Variants in COPA observed in about 807,000 individuals in gnomAD.
The protein encoded by COPA is coat protein complex I subunit alpha.
A neutral mutation model predicts 158.7 loss-of-function variants in COPA; 10 were observed. The observed-to-expected ratio is 0.06, with a 90% CI of 0.04 to 0.11. The LOEUF (loss-of-function observed/expected upper bound fraction) is 0.11. Ranked by LOEUF, COPA falls within the 10% of genes least tolerant of loss-of-function variation. The probability of loss-of-function intolerance (pLI) is 1.00; values close to 1 mark genes in which losing one functional copy is unlikely to be tolerated. For synonymous variants in COPA, 462 were observed against 542.8 expected (o/e 0.85, Z 2.07); for missense variants, 1,065 against 1,536.7 (o/e 0.69, Z 5.13).
At position 160,297,740 on chromosome 1, in the gene COPA, A is replaced by G; in HGVS notation, c.1983T>C (p.Ala661=). 6.2e-7 allele frequency: 1 copy of G among 1,613,444 alleles called. No homozygotes were observed. ...LALECGNIEI[A]LEAAKALDDK... is the part of the protein sequence containing the mutation. ...CATCCAGTGCTTTGGCTGCTTCCAG[A>G]GCAATCTAAAGAATCCCCAGGGTCG... The change falls in exon 20 of 33, where the codon GCT becomes GCC. Residue 661 remains alanine, a synonymous_variant. Transcript: ENST00000241704.
chr1:160,314,948 GGGAAAGAA>G (rs1659087131), intron 8 of COPA, among the ~76,000 whole-genome samples: 1 of 152,112 alleles, frequency 6.6e-6, no homozygotes. Context: ...CAGGAAAAAA[GGGAAAGAA>G]GGAATACTTT....
Position 160,298,945 on chromosome 1 carries a change from A to G in COPA, c.1877T>C (p.Ile626Thr). The G allele has an allele frequency of 6.2e-7, 1 of 1,614,180 alleles. No individual in the cohort carries two copies. The highest frequency in any genetic ancestry group is 8.5e-7 in the Non-Finnish European group (1 of 1,180,038). Residue 626 changes from isoleucine to threonine, a missense_variant, in exon 19 of 33, where the codon ATT becomes ACT. Ile to Thr is a moderately conservative substitution (Grantham distance 89). Coordinates refer to ENST00000241704, the MANE Select transcript of COPA (RefSeq NM_004371.4). ...RNAKLVGQSI[I>T]AYLQKKGYPE... ...ATAGCCCTTCTTCTGGAGATAAGCA[A>G]TAATAGACTGGCCAACTAGTTTGGC...
In COPA at chr1:160,296,183, A is replaced by G. The variant is rs74125575; in HGVS notation, c.2264-34T>C. ...AAAACAGACTTTGTGGTATAGGTAC[A>G]TTTCCAAATGCATGCTGCTGTGGTA... On this transcript the variant is annotated intron_variant, in intron 21 of 32. Coordinates refer to ENST00000241704, the MANE Select transcript of COPA (RefSeq NM_004371.4). The G allele has an allele frequency of 6.8e-5, 108 of 1,581,754 alleles. No homozygotes were observed. In the African/African-American group the frequency reaches 1.4e-3, roughly 20 times the overall value.
At chr1:160,303,467 C>A (rs945542471) in intron 17 of COPA, among the ~76,000 whole-genome samples, 2 of 152,072 alleles carry the variant, frequency 1.3e-5, no homozygotes, top group African/African-American at 4.8e-5. Context: ...TGCTGCTGGG[C>A]AATTGAGTGT....
intron 6 of COPA, among the ~76,000 whole-genome samples, chr1:160,331,648 CAA>C (rs59093132): frequency 1.0e-4 from 10 of 95,792 alleles, no homozygotes; most frequent in Admixed American, 3.7e-4. Context: ...GACTCCATCT[CAA>C]AAAAAAAAAA....
At chr1:160,342,346 C>A (rs1184134382) in intron 1 of COPA, among the ~76,000 whole-genome samples, 2 of 152,064 alleles carry the variant, frequency 1.3e-5, no homozygotes, top group African/African-American at 4.8e-5. Context: ...CTTCGGAGAC[C>A]TTACTTCTCT....
intron 8 of COPA, among the ~76,000 whole-genome samples, chr1:160,321,022 T>C (rs1340914803): frequency 2.0e-5 from 3 of 152,158 alleles, no homozygotes; most frequent in African/African-American, 7.2e-5. Flanking sequence ...GGGATTCATT[T>C]CAGGGATGCA....
At chr1:160,342,197 A>C (rs1226572548) in intron 1 of COPA, among the ~76,000 whole-genome samples, 1 of 152,200 alleles carries the variant, frequency 6.6e-6, no homozygotes, top group African/African-American at 2.4e-5. Context: ...AGAGACATTA[A>C]GTAAGTCATC....
At chr1:160,340,845 G>GCT (rs949806946) in intron 1 of COPA, among the ~76,000 whole-genome samples, 3 of 152,200 alleles carry the variant, frequency 2.0e-5, no homozygotes, top group East Asian at 1.9e-4. Flanking sequence ...GATCTCTAGT[G>GCT]CTCTCTCTCT....
chr1:160,328,357 T>C (rs1177017367), intron 6 of COPA, among the ~76,000 whole-genome samples: 1 of 152,206 alleles, frequency 6.6e-6, no homozygotes, highest in African/African-American at 2.4e-5. Flanking sequence ...TTGCGTGTAA[T>C]GATCCGGGAA....
chr1:160,291,725 C>T (rs895447664), intron 30 of COPA, 94 bp downstream of exon 30: 3 of 1,329,480 alleles, frequency 2.3e-6, no homozygotes, highest in South Asian at 1.3e-5. Flanking sequence ...TCTTCATCCC[C>T]ACTCAGATCT....
rs1658127670 is a variant in COPA at position 160,289,015 on chromosome 1, G to C, written c.*1142C>G. Among the ~76,000 whole-genome samples, 1 of 151,894 alleles carries C rather than the reference G, an allele frequency of 6.6e-6. No individual in the cohort carries two copies. Among genetic ancestry groups the C allele is most frequent in the South Asian group, 2.1e-4 (1 of 4,828 alleles). On this transcript the variant is annotated 3_prime_UTR_variant, in exon 33 of 33. Transcript: ENST00000241704. ...AGATGGAGTCTCACTCTGTCGCCCA[G>C]GCTGGAGTGCGGTGGCGCGATCTCA...
chr1:160,341,472 A>C (rs952138531), intron 1 of COPA, among the ~76,000 whole-genome samples: 10 of 152,246 alleles, frequency 6.6e-5, no homozygotes, highest in African/African-American at 2.4e-4. Context: ...ATACTTCTAC[A>C]CATAATCTAG....
Position 160,310,274 on chromosome 1 carries a change from GA to G in COPA, c.1077-17del. On this transcript the variant is annotated splice_polypyrimidine_tract_variant and intron_variant, in intron 11 of 32. Coordinates refer to ENST00000241704, the MANE Select transcript of COPA (RefSeq NM_004371.4). Reference sequence around the variant, plus strand: ...CTTGGAACCACTAGAGATATATATAGAAAAAGGAGAAAACAGGGAAGAGGCA... The same window carrying G: ...CTTGGAACCACTAGAGATATATATAGAAAAGGAGAAAACAGGGAAGAGGCA... 3.3e-6 allele frequency: 5 copies of G among 1,518,652 alleles called. No homozygotes were observed. The highest frequency in any genetic ancestry group is 1.9e-5 in the Admixed American group (1 of 51,588). The allele number at this position is 1,518,652 out of a possible 1,614,324, so 94.1% of individuals were successfully genotyped here. A position where few individuals can be genotyped will look rare whatever the true frequency, so the allele number is the denominator to read the frequency against.
chr1:160,326,498 C>T (rs1438849103), intron 6 of COPA, among the ~76,000 whole-genome samples: 2 of 152,192 alleles, frequency 1.3e-5, no homozygotes, highest in Non-Finnish European at 2.9e-5. Context: ...CACTGCACTC[C>T]AGCCTGGGTG....
chr1:160,294,616 A>G, intron 24 of COPA, 23 bp from the exon 25 acceptor site: 2 of 1,613,108 alleles, frequency 1.2e-6, no homozygotes, highest in Non-Finnish European at 1.7e-6. Context: ...TTCAAGCTCA[A>G]AACAGATTTG....
Position 160,292,584 on chromosome 1 carries a change from G to A in COPA, c.2860C>T (p.Pro954Ser). 6.2e-7 allele frequency: 1 copy of A among 1,613,468 alleles called. No homozygotes were observed. Among genetic ancestry groups the A allele is most frequent in the Non-Finnish European group, 8.5e-7 (1 of 1,179,824 alleles). ...GTCTGTAGGAACAGTTGCTTGTAGG[G>A]GCCAAACTGGATTACCCCTACTTGG... The part of the protein sequence containing the change: ...HDQVGVIQFG[P>S]YKQLFLQTYA... The change falls in exon 28 of 33, where the codon CCC (proline) becomes TCC (serine). Residue 954 changes from proline to serine, a missense_variant. Pro to Ser is a moderately conservative substitution (Grantham distance 74). Coordinates refer to ENST00000241704, the MANE Select transcript of COPA (RefSeq NM_004371.4).
At chr1:160,337,816 T>C (rs931154840) in intron 3 of COPA, among the ~76,000 whole-genome samples, 2 of 151,700 alleles carry the variant, frequency 1.3e-5, no homozygotes, top group Non-Finnish European at 2.9e-5. Flanking sequence ...AAAGAATTCC[T>C]TTGTTTTAAT....
At chr1:160,314,223 T>A in intron 8 of COPA, 98 bp from the exon 9 acceptor site, 1 of 1,303,504 alleles carries the variant, frequency 7.7e-7, no homozygotes, top group Non-Finnish European at 1.0e-6. Flanking sequence ...TAAGTACTAT[T>A]ACAGAATGCT....
Sources: allele counts gnomAD v4.1 joint callset (sites outside exome capture counted in the v4.1 genomes callset), GRCh38; gene constraint gnomAD v4.1.1; transcripts MANE v1.5; gene names NCBI Gene and HGNC (gene_info 2026-07-23, HGNC 2026-07-21).